The following ZC3H18 variants were observed in gnomAD, a reference collection of about 807,000 sequenced individuals.
ZC3H18 encodes zinc finger CCCH-type containing 18.
In ZC3H18, 8 loss-of-function variants were observed where a neutral mutation model predicts 106.1. That is an observed-to-expected ratio of 0.08 (90% CI 0.04 to 0.14). The LOEUF is 0.14. Among genes scored for constraint, ZC3H18 ranks in the 10% least tolerant of loss-of-function variants. The pLI is 1.00. For missense variants in ZC3H18, 1,318 were observed against 1,278.4 expected (o/e 1.03, Z -0.47); for synonymous variants, 635 against 522.1 (o/e 1.22, Z -2.95).
chr16:88,631,464 G>C lies in ZC3H18; in HGVS notation c.*165G>C. 1.1e-6 allele frequency: 1 copy of C among 943,432 alleles called. No homozygotes were observed. The highest frequency in any genetic ancestry group is 1.5e-5 in the South Asian group (1 of 65,470). 58.4% of individuals were successfully genotyped at this position (943,432 alleles called of 1,614,324 possible). A position where few individuals can be genotyped will look rare whatever the true frequency, so the allele number is the denominator to read the frequency against. ...AAGCCACACAGGAAATGACAACGAC[G>C]CTGAATCCCAGCCTCCCTCCCCAGA... On this transcript the variant is annotated 3_prime_UTR_variant, in exon 18 of 18. Transcript: ENST00000301011.
intron 9 of ZC3H18, chr16:88,622,790 C>T (rs1906045535): frequency 7.2e-6 from 2 of 278,904 alleles, no homozygotes; most frequent in Admixed American, 5.0e-5. Flanking sequence ...AGCCCGGCTC[C>T]CGAGTGAGGG....
At chr16:88,593,826 T>C (rs548426274) in intron 3 of ZC3H18, among the ~76,000 whole-genome samples, 10 of 152,298 alleles carry the variant, frequency 6.6e-5, no homozygotes, top group East Asian at 3.9e-4. Context: ...AATTGGACTT[T>C]TGTGTGCTCA....
intron 2 of ZC3H18, among the ~76,000 whole-genome samples, chr16:88,582,099 T>G (rs1333314442): frequency 1.3e-5 from 2 of 152,112 alleles, no homozygotes; most frequent in Non-Finnish European, 2.9e-5. Context: ...CTGTCCTGAG[T>G]GGGTGGGCCA....
At position 88,624,006 on chromosome 16, in the gene ZC3H18, A is replaced by C; in HGVS notation, c.1842A>C (p.Pro614=). ...SSPSPSPTPS[P]HRPSIRTKGE... is the part of the protein sequence containing the mutation. ...CGTCCCCGTCCCCAACACCTTCCCC[A>C]CATAGACCTTCCATCAGAACCAAGG... Residue 614 remains proline, a synonymous_variant, in exon 11 of 18, where the codon CCA becomes CCC. Transcript: ENST00000301011. 1 of 1,613,424 alleles carries C rather than the reference A, an allele frequency of 6.2e-7. No homozygotes were observed. Among genetic ancestry groups the C allele is most frequent in the South Asian group, 1.1e-5 (1 of 91,040 alleles).
chr16:88,593,730 G>T (rs1904310181), intron 3 of ZC3H18, among the ~76,000 whole-genome samples: 1 of 152,232 alleles, frequency 6.6e-6, no homozygotes. Context: ...GCAGATCCGG[G>T]TCCTGGCAGG....
rs1032986510 is a variant in ZC3H18, at chr16:88,587,490, G to A, written c.688+806G>A. The A allele has an allele frequency of 3.4e-6, 5 of 1,464,578 alleles. No individual in the cohort carries two copies. The African/African-American group carries it at 7.0e-5, about 20-fold the overall frequency. 90.7% of individuals were successfully genotyped at this position (1,464,578 alleles called of 1,614,324 possible). On this transcript the variant is annotated intron_variant, in intron 3 of 17. Transcript: ENST00000301011. Reference sequence around the variant, plus strand: ...AGCCCATAGATGACTGTCACTGCCAGCCTGTGTGTGCCATCTAAAGCTCAC... The same window carrying A: ...AGCCCATAGATGACTGTCACTGCCAACCTGTGTGTGCCATCTAAAGCTCAC...
chr16:88,628,971 T>G (rs1209619034), intron 16 of ZC3H18, 117 bp downstream of exon 16: 3 of 912,890 alleles, frequency 3.3e-6, no homozygotes, highest in African/African-American at 3.4e-5. Context: ...AGAGAACATC[T>G]GACTTGCAGA....
intron 9 of ZC3H18, 89 bp downstream of exon 9, chr16:88,622,477 C>T: frequency 4.3e-6 from 6 of 1,388,532 alleles, no homozygotes; most frequent in Non-Finnish European, 5.8e-6. Context: ...GTGGGGAACA[C>T]CCCAGCCCCA....
intron 1 of ZC3H18, among the ~76,000 whole-genome samples, chr16:88,575,781 T>G (rs911302043): frequency 1.3e-5 from 2 of 152,024 alleles, no homozygotes; most frequent in East Asian, 3.9e-4. Context: ...TGATGCAGTC[T>G]TGGCTTACTG....
intron 17 of ZC3H18, 106 bp from the exon 18 acceptor site, chr16:88,630,995 C>T (rs993615265): frequency 4.2e-6 from 6 of 1,429,506 alleles, no homozygotes; most frequent in East Asian, 2.3e-5. Context: ...CTTGCCTGTC[C>T]TGGTGGCCGC....
chr16:88,623,681 C>A, intron 10 of ZC3H18: 1 of 574,234 alleles, frequency 1.7e-6, no homozygotes, highest in Non-Finnish European at 3.0e-6. Flanking sequence ...TGCCCCACTG[C>A]CAAGGAGCCT....
chr16:88,586,687 A>G lies in ZC3H18; in HGVS notation c.688+3A>G. 1 of 1,614,024 alleles carries G rather than the reference A, an allele frequency of 6.2e-7. No homozygotes were observed. The highest frequency in any genetic ancestry group is 1.1e-5 in the South Asian group (1 of 91,072). ...CACCTGCCGGTTCTTCATGAAAGGT[A>G]ATTGTCTGCGTGTGAGGCCTTCTCG... On this transcript the variant is annotated splice_donor_region_variant and intron_variant, in intron 3 of 17. Coordinates refer to ENST00000301011, the MANE Select transcript of ZC3H18 (RefSeq NM_144604.4).
chr16:88,621,007 C>T (rs1905922384), intron 8 of ZC3H18, among the ~76,000 whole-genome samples: 1 of 151,870 alleles, frequency 6.6e-6, no homozygotes, highest in Non-Finnish European at 1.5e-5. Flanking sequence ...GCTGGGATTA[C>T]AGGCACGTGT....
intron 2 of ZC3H18, among the ~76,000 whole-genome samples, chr16:88,580,492 G>T (rs969286807): frequency 1.3e-5 from 2 of 152,134 alleles, no homozygotes; most frequent in African/African-American, 2.4e-5. Context: ...CCCAGCAGAG[G>T]TACGCGCCAC....
At chr16:88,610,753 G>T (rs1490675136) in intron 7 of ZC3H18, among the ~76,000 whole-genome samples, 1 of 152,270 alleles carries the variant, frequency 6.6e-6, no homozygotes. Context: ...TTGGGTGCCT[G>T]CTCTGCTCCA....
Position 88,628,852 on chromosome 16 carries a change from G to A in ZC3H18, c.2564G>A (p.Arg855Gln), listed in dbSNP as rs763920166. 2.9e-5 allele frequency: 47 copies of A among 1,613,908 alleles called. No individual in the cohort carries two copies. Among genetic ancestry groups the A allele is most frequent in the East Asian group, 1.6e-4 (7 of 44,900 alleles). ...AAGCGGCCCAACACATCCCCAGACC[G>A]AGGTGAGCCTCCCAGCCCCTAGGGG... The part of the protein sequence containing the change: ...PAKRPNTSPD[R>Q]GSRDRKSGGR... The change falls in exon 16 of 18, where the codon CGA becomes CAA. Residue 855 changes from arginine (R) to glutamine (Q), a missense_variant and splice_region_variant. Coordinates refer to ENST00000301011, the MANE Select transcript of ZC3H18 (RefSeq NM_144604.4).
intron 4 of ZC3H18, 111 bp downstream of exon 4, chr16:88,598,437 C>T (rs375806284): frequency 1.9e-5 from 29 of 1,504,916 alleles, no homozygotes; most frequent in African/African-American, 1.5e-4. Flanking sequence ...TGCCCCCTTT[C>T]GGCTGCTTCT....
In ZC3H18 at chr16:88,577,348, G is replaced by A. The variant is rs959637643; in HGVS notation, c.225G>A (p.Glu75=). The change falls in exon 2 of 18, where the codon GAG becomes GAA. Residue 75 remains glutamate, a synonymous_variant. Transcript: ENST00000301011. ...CCGACGAGGAGGACCGGGCAAGTGAGCCTAAATCCCAAGACCAGGACTCAG... is the reference window on the plus strand; with the variant it reads ...CCGACGAGGAGGACCGGGCAAGTGAACCTAAATCCCAAGACCAGGACTCAG... The part of the protein sequence containing the change: ...NHSDEEDRAS[E]PKSQDQDSEV... 3 of 1,602,736 alleles carry A rather than the reference G, an allele frequency of 1.9e-6. No homozygotes were observed. The highest frequency in any genetic ancestry group is 1.7e-5 in the Admixed American group (1 of 59,132).
intron 15 of ZC3H18, 29 bp downstream of exon 15, chr16:88,628,148 C>T (rs1333316261): frequency 6.2e-7 from 1 of 1,607,144 alleles, no homozygotes; most frequent in Non-Finnish European, 8.5e-7. Flanking sequence ...CTGGTGGCTG[C>T]CCCAGCGTCT....
Sources: allele counts gnomAD v4.1 joint callset (sites outside exome capture counted in the v4.1 genomes callset), GRCh38; gene constraint gnomAD v4.1.1; transcripts MANE v1.5; gene names NCBI Gene and HGNC (gene_info 2026-07-23, HGNC 2026-07-21).